Variants in SEMA6D observed in about 807,000 individuals in gnomAD.
The protein encoded by SEMA6D is semaphorin 6D, also known as semaphorin-6D.
In SEMA6D, 35 loss-of-function variants were observed where a neutral mutation model predicts 106.6. The observed-to-expected ratio is 0.33, with a 90% CI of 0.25 to 0.44. The LOEUF (loss-of-function observed/expected upper bound fraction) is 0.44, where lower values mean the gene tolerates loss of function less well. Among genes scored for constraint, SEMA6D ranks in the 20% least tolerant of loss-of-function variants. The probability of loss-of-function intolerance (pLI) is 1.00; values close to 1 mark genes in which losing one functional copy is unlikely to be tolerated. For missense variants in SEMA6D, 1,185 were observed against 1,345.9 expected (o/e 0.88, Z 1.87); for synonymous variants, 499 against 487.7 (o/e 1.02, Z -0.31).
At chr15:47,325,462 G>A (rs1215097155) in intron 1 of SEMA6D, among the ~76,000 whole-genome samples, 1 of 151,328 alleles carries the variant, frequency 6.6e-6, no homozygotes, top group Non-Finnish European at 1.5e-5. Flanking sequence ...GTGAGCCACC[G>A]CGCCCGGCAG....
rs972053624 is a variant in SEMA6D, at chr15:47,773,833, C to G, written c.*2048C>G. 2.0e-5 allele frequency: 3 copies of G among 152,568 alleles called. No homozygotes were observed. The highest frequency in any genetic ancestry group is 6.5e-5 in the Admixed American group (1 of 15,274). The allele number at this position is 152,568 out of a possible 1,614,324, so 9.5% of individuals were successfully genotyped here. A position where few individuals can be genotyped will look rare whatever the true frequency, so the allele number is the denominator to read the frequency against. On this transcript the variant is annotated 3_prime_UTR_variant, in exon 19 of 19. Transcript: ENST00000536845. ...CAACAACAAACGTGTTTGAATTCACCTTACCAATATTAATCCCAGCGTGTG... is the reference window on the plus strand; with the variant it reads ...CAACAACAAACGTGTTTGAATTCACGTTACCAATATTAATCCCAGCGTGTG...
At chr15:47,717,837 T>TGTGG (rs1236932418) in intron 1 of SEMA6D, 145 bp downstream of exon 1, 1 of 25,924 alleles carries the variant, frequency 3.9e-5, no homozygotes, top group Non-Finnish European at 1.1e-4. Context: ...AATCGCTGTG[T>TGTGG]GTGTGTGTGT....
chr15:47,304,147 G>A (rs2036132521), intron 1 of SEMA6D, among the ~76,000 whole-genome samples: 2 of 152,084 alleles, frequency 1.3e-5, no homozygotes, highest in Middle Eastern at 3.4e-3. Flanking sequence ...ACTATAAGTA[G>A]CACCTCTGGT....
chr15:47,699,364 C>T lies in SEMA6D; in HGVS notation c.-54-60381C>T, dbSNP rs143102969. 3.6e-4 allele frequency among the ~76,000 whole-genome samples: 55 copies of T among 152,298 alleles called. No individual in the cohort carries two copies. In the South Asian group the frequency reaches 6.6e-3, roughly 18 times the overall value. ...AATCCTATGAAGATTGATATTATCC[C>T]TGTTTTATACATGAGGAAATTAAAA... On this transcript the variant is annotated intron_variant, in intron 4 of 19. Coordinates refer to the SEMA6D transcript ENST00000558014.
At chr15:47,469,105 G>A (rs180826876) in intron 2 of SEMA6D, among the ~76,000 whole-genome samples, 1 of 152,178 alleles carries the variant, frequency 6.6e-6, no homozygotes, top group Non-Finnish European at 1.5e-5. Context: ...AGTGGGAGCT[G>A]TCTGCCCAGA....
At chr15:47,255,830 A>G (rs1057201554) in intron 1 of SEMA6D, among the ~76,000 whole-genome samples, 1 of 152,180 alleles carries the variant, frequency 6.6e-6, no homozygotes, top group Admixed American at 6.5e-5. Flanking sequence ...TGTTTTACAT[A>G]CATGTCTGTA....
intron 3 of SEMA6D, among the ~76,000 whole-genome samples, chr15:47,536,724 A>G: frequency 6.6e-6 from 1 of 152,226 alleles, no homozygotes; most frequent in Non-Finnish European, 1.5e-5. Flanking sequence ...ATCCATTACA[A>G]CTAAGCCAAT....
intron 1 of SEMA6D, among the ~76,000 whole-genome samples, chr15:47,191,974 A>G (rs975776553): frequency 1.3e-5 from 2 of 152,198 alleles, no homozygotes; most frequent in African/African-American, 4.8e-5. Flanking sequence ...ATGAAGATTT[A>G]GAAGTGTAAT....
chr15:47,679,596 TTTTTG>T (rs138363021), intron 4 of SEMA6D, among the ~76,000 whole-genome samples: 57,991 of 151,414 alleles, frequency 0.38, 13,180 homozygotes, highest in South Asian at 0.52. Context: ...TTTTTGTTTG[TTTTTG>T]TTTTGTTTTG....
At chr15:47,608,673 A>G (rs1266893081) in intron 4 of SEMA6D, among the ~76,000 whole-genome samples, 2 of 152,154 alleles carry the variant, frequency 1.3e-5, no homozygotes, top group African/African-American at 2.4e-5. Flanking sequence ...TGTAAATCAT[A>G]TATGTATATA....
chr15:47,755,114 G>C (rs527684265), intron 1 of SEMA6D, among the ~76,000 whole-genome samples: 1 of 152,032 alleles, frequency 6.6e-6, no homozygotes, highest in African/African-American at 2.4e-5. Flanking sequence ...ACCATGCCTG[G>C]CTAATTGTTG....
At chr15:47,354,302 C>T (rs1231232733) in intron 1 of SEMA6D, among the ~76,000 whole-genome samples, 2 of 95,866 alleles carry the variant, frequency 2.1e-5, no homozygotes, top group Non-Finnish European at 3.6e-5. Context: ...TGAGAGAGAG[C>T]TTATATATAT....
At chr15:47,366,390 A>G (rs913309408) in intron 1 of SEMA6D, among the ~76,000 whole-genome samples, 1 of 152,208 alleles carries the variant, frequency 6.6e-6, no homozygotes, top group East Asian at 1.9e-4. Context: ...TCTGTTCTTC[A>G]GGGACAAAGG....
At chr15:47,407,685 G>C (rs2040641653) in intron 1 of SEMA6D, among the ~76,000 whole-genome samples, 1 of 152,144 alleles carries the variant, frequency 6.6e-6, no homozygotes, top group Non-Finnish European at 1.5e-5. Flanking sequence ...TGGAAAGGAG[G>C]ATTGGGAGGT....
chr15:47,593,308 GGCAGGAGAATGGCATGGA>G (rs1192817577), intron 3 of SEMA6D, among the ~76,000 whole-genome samples: 1 of 150,970 alleles, frequency 6.6e-6, no homozygotes, highest in Non-Finnish European at 1.5e-5. Flanking sequence ...AGGAGGCTGA[GGCAGGAGAATGGCATGGA>G]GCCGGGAGGC....
intron 4 of SEMA6D, among the ~76,000 whole-genome samples, chr15:47,704,457 G>A (rs992841715): frequency 2.6e-5 from 4 of 152,102 alleles, no homozygotes; most frequent in South Asian, 2.1e-4. Context: ...AGCAGCTCAC[G>A]CCTGTAATCC....
chr15:47,523,148 C>A (rs1165459185), intron 3 of SEMA6D, among the ~76,000 whole-genome samples: 1 of 152,146 alleles, frequency 6.6e-6, no homozygotes, highest in Non-Finnish European at 1.5e-5. Flanking sequence ...AGCCAGAGAG[C>A]AAAGTGCTTG....
chr15:47,604,144 G>C (rs981386616), intron 4 of SEMA6D: 1 of 152,294 alleles, frequency 6.6e-6, no homozygotes, highest in East Asian at 1.9e-4. Context: ...GAGATGGAGA[G>C]GAGGGAGTCT....
At chr15:47,538,834 T>A (rs926141658) in intron 3 of SEMA6D, among the ~76,000 whole-genome samples, 2 of 152,166 alleles carry the variant, frequency 1.3e-5, no homozygotes, top group Admixed American at 6.6e-5. Flanking sequence ...AAAAATTAAC[T>A]TTAGAAAATT....
Sources: allele counts gnomAD v4.1 joint callset (sites outside exome capture counted in the v4.1 genomes callset), GRCh38; gene constraint gnomAD v4.1.1; transcripts MANE v1.5; gene names NCBI Gene and HGNC (gene_info 2026-07-23, HGNC 2026-07-21).